The following CNTN5 variants were observed in gnomAD, a reference collection of about 807,000 sequenced individuals.
CNTN5 encodes the protein contactin-5.
A neutral mutation model predicts 129.1 loss-of-function variants in CNTN5; 77 were observed. The ratio of observed to expected loss-of-function variants is 0.60; its 90% CI spans 0.50 to 0.72. CNTN5 has a LOEUF of 0.72. Ranked by LOEUF, CNTN5 falls within the 30% of genes least tolerant of loss-of-function variation. CNTN5 has a pLI of 0.00. For synonymous variants in CNTN5, 509 were observed against 465.6 expected, an observed-to-expected ratio of 1.09 and a Z score of -1.20; for missense variants, 1,478 against 1,328.8, an observed-to-expected ratio of 1.11 and a Z score of -1.75.
chr11:99,141,887 A>G (rs1277105318), intron 1 of CNTN5, among the ~76,000 whole-genome samples: 1 of 152,062 alleles, frequency 6.6e-6, no homozygotes, highest in Non-Finnish European at 1.5e-5. Context: ...ATTTCTTTGA[A>G]TTTGTTGAGA....
At chr11:100,343,415 T>C (rs2139020118) in intron 23 of CNTN5, among the ~76,000 whole-genome samples, 1 of 144,754 alleles carries the variant, frequency 6.9e-6, no homozygotes, top group Non-Finnish European at 1.5e-5. Context: ...GGAACCTTTC[T>C]GATGAGTGGG....
At chr11:99,407,056 C>T (rs549875490) in intron 2 of CNTN5, among the ~76,000 whole-genome samples, 39 of 152,202 alleles carry the variant, frequency 2.6e-4, no homozygotes, top group Middle Eastern at 3.4e-3. Flanking sequence ...TGTGGCCAAG[C>T]GAGTACCTAA....
chr11:99,366,517 T>C (rs1939453860), intron 2 of CNTN5, among the ~76,000 whole-genome samples: 1 of 152,112 alleles, frequency 6.6e-6, no homozygotes, highest in African/African-American at 2.4e-5. Flanking sequence ...ATAGCAAATA[T>C]TTTTGCAAAA....
intron 3 of CNTN5, among the ~76,000 whole-genome samples, chr11:99,672,873 G>A (rs1205499794): frequency 1.3e-5 from 2 of 152,150 alleles, no homozygotes; most frequent in South Asian, 2.1e-4. Flanking sequence ...AAGGAAAGAA[G>A]ATGGAAAAGA....
At chr11:99,614,942 GTTGT>G (rs1197428881) in intron 3 of CNTN5, among the ~76,000 whole-genome samples, 4 of 151,462 alleles carry the variant, frequency 2.6e-5, no homozygotes, top group African/African-American at 9.7e-5. Flanking sequence ...TGGCCGTACT[GTTGT>G]TTATGTGTGT....
chr11:99,796,533 C>T (rs1479787693), intron 3 of CNTN5, among the ~76,000 whole-genome samples: 7 of 152,052 alleles, frequency 4.6e-5, no homozygotes. Context: ...GTGCAGTCTG[C>T]CAGCATATGA....
intron 10 of CNTN5, among the ~76,000 whole-genome samples, chr11:100,066,221 T>G (rs2137835621): frequency 6.6e-6 from 1 of 152,260 alleles, no homozygotes; most frequent in South Asian, 2.1e-4. Context: ...TAACTCATTC[T>G]CAGCGACATA....
chr11:99,662,649 C>G (rs1952637775), intron 3 of CNTN5, among the ~76,000 whole-genome samples: 1 of 152,084 alleles, frequency 6.6e-6, no homozygotes, highest in Non-Finnish European at 1.5e-5. Context: ...AGCTAAAATA[C>G]TTCAGTGTGT....
chr11:99,410,673 A>C (rs1350649617), intron 2 of CNTN5, among the ~76,000 whole-genome samples: 2 of 152,222 alleles, frequency 1.3e-5, no homozygotes, highest in Non-Finnish European at 1.5e-5. Flanking sequence ...CAAACTTTTC[A>C]TTAGAAGGAA....
At chr11:99,403,258 C>T (rs1941913795) in intron 2 of CNTN5, among the ~76,000 whole-genome samples, 1 of 152,148 alleles carries the variant, frequency 6.6e-6, no homozygotes, top group Non-Finnish European at 1.5e-5. Context: ...CCTCAACCTT[C>T]CAAACTGCTG....
intron 1 of CNTN5, among the ~76,000 whole-genome samples, chr11:99,214,251 A>T (rs7129493): frequency 0.14 from 21,803 of 151,922 alleles, 1,875 homozygotes; most frequent in East Asian, 0.33. Context: ...AAATGCACGG[A>T]GTCCTGATAA....
intron 3 of CNTN5, among the ~76,000 whole-genome samples, chr11:99,692,022 C>G (rs776650732): frequency 2.6e-5 from 4 of 152,032 alleles, no homozygotes; most frequent in Admixed American, 1.3e-4. Context: ...TCTGATCTTT[C>G]TTGGTTTAGT....
At chr11:99,335,757 A>G (rs1356810908) in intron 2 of CNTN5, among the ~76,000 whole-genome samples, 1 of 152,128 alleles carries the variant, frequency 6.6e-6, no homozygotes, top group Non-Finnish European at 1.5e-5. Flanking sequence ...TAACACTCAG[A>G]TTCCTTTCAA....
chr11:99,793,957 C>T (rs533281948), intron 3 of CNTN5, among the ~76,000 whole-genome samples: 5 of 152,240 alleles, frequency 3.3e-5, no homozygotes, highest in African/African-American at 1.2e-4. Flanking sequence ...AGTTCAGCTC[C>T]TGAATATCTT....
intron 3 of CNTN5, among the ~76,000 whole-genome samples, chr11:99,602,688 A>G (rs1025013164): frequency 2.0e-5 from 3 of 151,868 alleles, no homozygotes; most frequent in African/African-American, 7.3e-5. Context: ...CACAGTGTTG[A>G]AGTGTCCCTG....
At chr11:99,676,461 C>A (rs767065108) in intron 3 of CNTN5, among the ~76,000 whole-genome samples, 1 of 152,118 alleles carries the variant, frequency 6.6e-6, no homozygotes, top group Admixed American at 6.5e-5. Flanking sequence ...CCAAGAAATA[C>A]ATTTCTTTCT....
chr11:99,233,471 A>G (rs1861107689), intron 1 of CNTN5, among the ~76,000 whole-genome samples: 1 of 152,180 alleles, frequency 6.6e-6, no homozygotes, highest in Non-Finnish European at 1.5e-5. Context: ...TTGTAGAATG[A>G]TGTTTCAGAT....
At chr11:99,507,954 A>G (rs1946688017) in intron 2 of CNTN5, among the ~76,000 whole-genome samples, 1 of 152,212 alleles carries the variant, frequency 6.6e-6, no homozygotes, top group Non-Finnish European at 1.5e-5. Context: ...GTTTTTATGA[A>G]GTAAATGTTA....
intron 1 of CNTN5, among the ~76,000 whole-genome samples, chr11:99,180,004 A>G (rs1419159983): frequency 4.6e-5 from 7 of 152,206 alleles, no homozygotes. Context: ...ATTTTATTAT[A>G]GGTATCCTTA....
Sources: gnomAD v4.1 joint callset for allele counts (sites outside exome capture counted in the v4.1 genomes callset) on GRCh38, gnomAD v4.1.1 for gene constraint, MANE v1.5 for transcripts, NCBI Gene and HGNC (gene_info 2026-07-23, HGNC 2026-07-21) for gene names.